STIMATE: variants seen among roughly 807,000 people sequenced by gnomAD.
STIMATE encodes store-operated calcium entry regulator STIMATE.
Under a neutral mutation model 36.7 loss-of-function variants are expected in STIMATE, and 15 were observed. The ratio of observed to expected loss-of-function variants is 0.41; its 90% CI spans 0.27 to 0.63. The LOEUF (loss-of-function observed/expected upper bound fraction) is 0.63. Ranked by LOEUF, STIMATE falls within the 20% of genes least tolerant of loss-of-function variation. The pLI, the probability that STIMATE is intolerant of heterozygous loss-of-function variation, is 0.32. For missense variants in STIMATE, 305 were observed against 397.3 expected (o/e 0.77, Z 1.98); for synonymous variants, 163 against 162.3 (o/e 1.00, Z -0.03).
At chr3:52,871,262 C>T (rs1339117207) in intron 1 of STIMATE, among the ~76,000 whole-genome samples, 4 of 152,148 alleles carry the variant, frequency 2.6e-5, no homozygotes, top group African/African-American at 9.7e-5. Flanking sequence ...TGTGGACGAA[C>T]ATCCACAGGC....
At chr3:52,881,780 T>G (rs1701609736) in intron 1 of STIMATE, among the ~76,000 whole-genome samples, 2 of 152,218 alleles carry the variant, frequency 1.3e-5, no homozygotes, top group Non-Finnish European at 2.9e-5. Context: ...CCCTGCTCAC[T>G]GATGAAATCC....
At chr3:52,861,572 C>T (rs761023454) in intron 1 of STIMATE, among the ~76,000 whole-genome samples, 34 of 152,174 alleles carry the variant, frequency 2.2e-4, no homozygotes, top group Non-Finnish European at 3.4e-4. Flanking sequence ...CTGCTATGAC[C>T]GGCTAGGCAC....
intron 1 of STIMATE, among the ~76,000 whole-genome samples, chr3:52,864,784 G>C (rs963733133): frequency 6.6e-6 from 1 of 152,074 alleles, no homozygotes; most frequent in Non-Finnish European, 1.5e-5. Context: ...CAGATCTCTA[G>C]GGCAGGGGCA....
At chr3:52,892,663 CAG>C (rs1279462270) in intron 1 of STIMATE, among the ~76,000 whole-genome samples, 1 of 152,204 alleles carries the variant, frequency 6.6e-6, no homozygotes, top group African/African-American at 2.4e-5. Context: ...TACTGGGAAA[CAG>C]AGTATTCACA....
intron 3 of STIMATE, among the ~76,000 whole-genome samples, chr3:52,850,221 A>C (rs1700973925): frequency 6.6e-6 from 1 of 152,272 alleles, no homozygotes; most frequent in Admixed American, 6.5e-5. Flanking sequence ...TCACGAGGTC[A>C]GGAGATAGAC....
intron 1 of STIMATE, among the ~76,000 whole-genome samples, chr3:52,861,843 G>C (rs189978963): frequency 3.5e-4 from 54 of 152,280 alleles, no homozygotes; most frequent in Non-Finnish European, 6.6e-4. Context: ...ATCCTAGGAG[G>C]CTTCTATGAT....
At chr3:52,857,662 A>C (rs750932840) in intron 1 of STIMATE, among the ~76,000 whole-genome samples, 3 of 151,980 alleles carry the variant, frequency 2.0e-5, no homozygotes, top group Non-Finnish European at 4.4e-5. Flanking sequence ...TATATTATAC[A>C]TTATAATTAT....
intron 1 of STIMATE, among the ~76,000 whole-genome samples, chr3:52,874,333 T>C (rs543575755): frequency 6.6e-6 from 1 of 152,176 alleles, no homozygotes; most frequent in East Asian, 1.9e-4. Flanking sequence ...TCATGCTAAA[T>C]GGGGGGAAAA....
At chr3:52,845,827 G>C (rs1233683379) in intron 4 of STIMATE, among the ~76,000 whole-genome samples, 2 of 151,984 alleles carry the variant, frequency 1.3e-5, no homozygotes, top group African/African-American at 2.4e-5. Flanking sequence ...GGAGACCCAG[G>C]GGAGAGTGGG....
chr3:52,895,998 G>C (rs1019981453), intron 1 of STIMATE: 5 of 1,261,026 alleles, frequency 4.0e-6, no homozygotes, highest in Non-Finnish European at 5.2e-6. Flanking sequence ...GAAAAAGCAA[G>C]GCAAGTTGGG....
intron 1 of STIMATE, among the ~76,000 whole-genome samples, chr3:52,894,500 C>T (rs1315042601): frequency 5.9e-5 from 9 of 152,162 alleles, no homozygotes; most frequent in Non-Finnish European, 8.8e-5. Context: ...TCCCCAGAGA[C>T]ATTAATATAT....
At chr3:52,896,961 G>C (rs1701874691) in intron 1 of STIMATE, among the ~76,000 whole-genome samples, 1 of 152,202 alleles carries the variant, frequency 6.6e-6, no homozygotes, top group Non-Finnish European at 1.5e-5. Context: ...GGCGGACAAG[G>C]GGATGTCACC....
At position 52,840,262 on chromosome 3, in the gene STIMATE, G is replaced by T; in HGVS notation, c.*232C>A. On this transcript the variant is annotated 3_prime_UTR_variant, in exon 8 of 8. Coordinates refer to ENST00000355083, the MANE Select transcript of STIMATE (RefSeq NM_198563.5). The stretch of plus-strand genomic sequence containing the variant: ...TTCCTTGCATATTTGGTCAGTGTTT[G>T]TAGTGCAACTGAATGGGGACCTCCA... The T allele has an allele frequency of 2.1e-6, 1 of 475,398 alleles. No homozygotes were observed. Among genetic ancestry groups the T allele is most frequent in the Non-Finnish European group, 3.8e-6 (1 of 263,976 alleles). The allele number at this position is 475,398 out of a possible 1,614,324, so 29.4% of individuals were successfully genotyped here. A position where few individuals can be genotyped will look rare whatever the true frequency, so the allele number is the denominator to read the frequency against.
At chr3:52,857,070 C>T (rs1159132858) in intron 1 of STIMATE, among the ~76,000 whole-genome samples, 5 of 152,282 alleles carry the variant, frequency 3.3e-5, no homozygotes, top group East Asian at 1.9e-4. Flanking sequence ...GAGCTGCCAG[C>T]GAGGGTGCAG....
At chr3:52,873,988 C>T (rs1472628382) in intron 1 of STIMATE, among the ~76,000 whole-genome samples, 1 of 152,222 alleles carries the variant, frequency 6.6e-6, no homozygotes, top group African/African-American at 2.4e-5. Context: ...CCACAAAACA[C>T]ATGAAAAGTT....
intron 2 of STIMATE, 104 bp downstream of exon 2, chr3:52,855,292 A>T: frequency 7.3e-7 from 1 of 1,373,912 alleles, no homozygotes; most frequent in Non-Finnish European, 1.0e-6. Flanking sequence ...ATCATTTCTC[A>T]CATTCCATGC....
At chr3:52,892,266 T>C (rs1305211089) in intron 1 of STIMATE, among the ~76,000 whole-genome samples, 14 of 152,206 alleles carry the variant, frequency 9.2e-5, no homozygotes, top group Non-Finnish European at 2.1e-4. Context: ...ACTCAGATTG[T>C]CCCCTAATTC....
rs1700757363 is a variant in STIMATE, at chr3:52,839,292, G to A, written c.*1202C>T. 6.6e-6 allele frequency: 1 copy of A among 152,266 alleles called. No individual in the cohort carries two copies. Among genetic ancestry groups the A allele is most frequent in the Non-Finnish European group, 1.5e-5 (1 of 68,072 alleles). The allele number at this position is 152,266 out of a possible 1,614,324, so 9.4% of individuals were successfully genotyped here. On this transcript the variant is annotated 3_prime_UTR_variant, in exon 8 of 8. Coordinates refer to ENST00000355083, the MANE Select transcript of STIMATE (RefSeq NM_198563.5). ...AGAATGCTGTGCAAAACAAATAGGT[G>A]ACACTAGGATGACAGGTACCAGGGC...
At chr3:52,892,218 A>G (rs2106737133) in intron 1 of STIMATE, among the ~76,000 whole-genome samples, 1 of 152,366 alleles carries the variant, frequency 6.6e-6, no homozygotes, top group South Asian at 2.1e-4. Flanking sequence ...GAGGTATTCA[A>G]AAGTTTAAAA....
Sources: allele counts gnomAD v4.1 joint callset (sites outside exome capture counted in the v4.1 genomes callset), GRCh38; gene constraint gnomAD v4.1.1; transcripts MANE v1.5; gene names NCBI Gene and HGNC (gene_info 2026-07-23, HGNC 2026-07-21).